EDN1: variants seen among roughly 807,000 people sequenced by gnomAD.
EDN1 encodes endothelin-1.
Under a neutral mutation model 21.7 loss-of-function variants are expected in EDN1, and 11 were observed. That is an observed-to-expected ratio of 0.51 (90% CI 0.32 to 0.84). The LOEUF (loss-of-function observed/expected upper bound fraction) is 0.84, where lower values mean the gene tolerates loss of function less well. Ranked by LOEUF, EDN1 falls within the 40% of genes least tolerant of loss-of-function variation. The pLI is 0.03. For synonymous variants in EDN1, 85 were observed against 90.6 expected, an observed-to-expected ratio of 0.94 and a Z score of 0.35; for missense variants, 244 against 262.3, an observed-to-expected ratio of 0.93 and a Z score of 0.48.
At chr6:12,255,585 G>A in the EDN1 span, among the ~76,000 whole-genome samples, 3 of 152,206 alleles carry the variant, frequency 2.0e-5, no homozygotes, top group Non-Finnish European at 4.4e-5. Context: ...GTCTGCCAAT[G>A]TGTTTTTGCT....
the EDN1 span, among the ~76,000 whole-genome samples, chr6:12,243,946 CTT>C: frequency 6.6e-6 from 1 of 152,102 alleles, no homozygotes; most frequent in East Asian, 1.9e-4. Context: ...GTGATGGAAA[CTT>C]TCTCTTTTTT....
chr6:12,264,885 T>C, the EDN1 span, among the ~76,000 whole-genome samples: 1 of 152,200 alleles, frequency 6.6e-6, no homozygotes, highest in Admixed American at 6.5e-5. Context: ...ATATTAATAA[T>C]GGATCTTTTT....
chr6:12,258,448 T>TAAAAAAA, the EDN1 span, among the ~76,000 whole-genome samples: 4,983 of 27,438 alleles, frequency 0.18, 1,022 homozygotes, highest in African/African-American at 0.33. Context: ...AGATCATGTC[T>TAAAAAAA]CAAAAAAAAA....
intron 2 of EDN1, among the ~76,000 whole-genome samples, chr6:12,292,829 T>G (rs1304923409): frequency 1.3e-5 from 2 of 152,180 alleles, no homozygotes; most frequent in Non-Finnish European, 2.9e-5. Context: ...TGATGGGGTT[T>G]CGGGAATAAT....
chr6:12,269,110 CCTTT>C, the EDN1 span, among the ~76,000 whole-genome samples: 4 of 151,930 alleles, frequency 2.6e-5, no homozygotes, highest in African/African-American at 7.2e-5. Context: ...GAGATTGCTT[CCTTT>C]CTTTCTTTTT....
the EDN1 span, among the ~76,000 whole-genome samples, chr6:12,233,034 C>G: frequency 6.6e-6 from 1 of 152,178 alleles, no homozygotes; most frequent in African/African-American, 2.4e-5. Context: ...AATCTTAGAG[C>G]TAATCCTTTG....
At chr6:12,264,645 T>C in the EDN1 span, among the ~76,000 whole-genome samples, 1 of 152,048 alleles carries the variant, frequency 6.6e-6, no homozygotes, top group Admixed American at 6.6e-5. Flanking sequence ...AAAAACTCAA[T>C]GTTTTAAGAA....
the EDN1 span, among the ~76,000 whole-genome samples, chr6:12,272,808 T>A: frequency 6.6e-6 from 1 of 152,054 alleles, no homozygotes; most frequent in Admixed American, 6.5e-5. Context: ...AAGATAGCCT[T>A]GAAAGAGAAA....
chr6:12,290,842 C>T, intron 1 of EDN1, 149 bp downstream of exon 1: 1 of 744,676 alleles, frequency 1.3e-6, no homozygotes, highest in Non-Finnish European at 2.4e-6. Context: ...CTGAAAGCTA[C>T]TTTAAGTCTT....
the EDN1 span, among the ~76,000 whole-genome samples, chr6:12,245,860 G>A: frequency 6.6e-6 from 1 of 152,042 alleles, no homozygotes; most frequent in Non-Finnish European, 1.5e-5. Context: ...TAAAGAGATG[G>A]GAAGTATCAT....
chr6:12,241,215 G>T, the EDN1 span, among the ~76,000 whole-genome samples: 1 of 148,696 alleles, frequency 6.7e-6, no homozygotes, highest in African/African-American at 2.5e-5. Flanking sequence ...ACTCAGGCTG[G>T]AGTACAGTGG....
chr6:12,276,289 A>G, the EDN1 span, among the ~76,000 whole-genome samples: 1 of 152,118 alleles, frequency 6.6e-6, no homozygotes, highest in Non-Finnish European at 1.5e-5. Context: ...ATTTTCCAGT[A>G]GCAGAAAGAG....
At chr6:12,249,546 T>C in the EDN1 span, among the ~76,000 whole-genome samples, 1 of 150,570 alleles carries the variant, frequency 6.6e-6, no homozygotes, top group East Asian at 1.9e-4. Context: ...CAAGACAAAG[T>C]TTATGGTGTC....
At chr6:12,237,160 A>C in the EDN1 span, among the ~76,000 whole-genome samples, 1 of 152,088 alleles carries the variant, frequency 6.6e-6, no homozygotes, top group African/African-American at 2.4e-5. Context: ...ACATGAACTC[A>C]TCCTTTTTAT....
chr6:12,253,085 A>G, the EDN1 span, among the ~76,000 whole-genome samples: 1 of 152,162 alleles, frequency 6.6e-6, no homozygotes, highest in African/African-American at 2.4e-5. Flanking sequence ...CGAGGACCAT[A>G]AAATATAACC....
At chr6:12,269,124 T>G in the EDN1 span, among the ~76,000 whole-genome samples, 1 of 152,084 alleles carries the variant, frequency 6.6e-6, no homozygotes, top group Non-Finnish European at 1.5e-5. Flanking sequence ...TCTTTCTTTT[T>G]TAGGGAGTTC....
chr6:12,248,414 A>T, the EDN1 span, among the ~76,000 whole-genome samples: 1 of 152,144 alleles, frequency 6.6e-6, no homozygotes, highest in African/African-American at 2.4e-5. Context: ...GACTAATACA[A>T]CCCTCACCTC....
chr6:12,277,669 G>A, the EDN1 span, among the ~76,000 whole-genome samples: 3 of 152,308 alleles, frequency 2.0e-5, no homozygotes, highest in East Asian at 1.9e-4. Context: ...AGGAAGAGTC[G>A]TATATTACAA....
intron 1 of EDN1, among the ~76,000 whole-genome samples, chr6:12,291,576 G>T (rs1409824074): frequency 1.3e-5 from 2 of 152,188 alleles, no homozygotes; most frequent in Non-Finnish European, 2.9e-5. Context: ...AAGCTGCATG[G>T]CTAAATTGTT....
Sources: gnomAD v4.1 joint callset for allele counts (sites outside exome capture counted in the v4.1 genomes callset) on GRCh38, gnomAD v4.1.1 for gene constraint, MANE v1.5 for transcripts, NCBI Gene and HGNC (gene_info 2026-07-23, HGNC 2026-07-21) for gene names.